Variants in CFAP161 observed in about 807,000 individuals in gnomAD.
The protein encoded by CFAP161 is cilia and flagella associated protein 161, also known as cilia- and flagella-associated protein 161.
In CFAP161, 25 loss-of-function variants were observed where a neutral mutation model predicts 29.0. The observed-to-expected ratio is 0.86, with a 90% confidence interval of 0.63 to 1.20. The LOEUF is 1.20. Ranked by LOEUF, CFAP161 falls within the 50% of genes most tolerant of loss-of-function variation. CFAP161 has a pLI of 0.00. For synonymous variants in CFAP161, 116 were observed against 137.4 expected (o/e 0.84, Z 1.09); for missense variants, 367 against 371.9 (o/e 0.99, Z 0.11).
intron 1 of CFAP161, among the ~76,000 whole-genome samples, chr15:81,106,818 G>T (rs1040214992): frequency 7.2e-5 from 11 of 152,096 alleles, no homozygotes; most frequent in African/African-American, 2.7e-4. Flanking sequence ...GTAATCCCAG[G>T]ACTTTGGGAG....
chr15:81,141,533 G>A (rs1176556353), intron 4 of CFAP161, among the ~76,000 whole-genome samples: 4 of 152,084 alleles, frequency 2.6e-5, no homozygotes, highest in South Asian at 2.1e-4. Flanking sequence ...CTTATACCTC[G>A]AATTTTGGTT....
intron 5 of CFAP161, among the ~76,000 whole-genome samples, chr15:81,145,655 A>G (rs1399344997): frequency 2.0e-5 from 3 of 152,206 alleles, no homozygotes; most frequent in Non-Finnish European, 4.4e-5. Context: ...ATGGTTACAC[A>G]TCTGTAAATG....
At chr15:81,146,595 T>C (rs551865407) in intron 5 of CFAP161, among the ~76,000 whole-genome samples, 4 of 151,950 alleles carry the variant, frequency 2.6e-5, no homozygotes, top group African/African-American at 9.6e-5. Context: ...TTTTTCTGTG[T>C]CTGTGTGTGT....
chr15:81,143,088 G>A (rs921261159), intron 4 of CFAP161, among the ~76,000 whole-genome samples: 6 of 152,200 alleles, frequency 3.9e-5, no homozygotes, highest in Non-Finnish European at 5.9e-5. Context: ...TGAGGTGGGA[G>A]GATTGCTTGA....
rs963937883 is a variant in CFAP161 at position 81,147,867 on chromosome 15, A to G, written c.646A>G (p.Lys216Glu). ...TTCTTTATCTGTTAAGGCAAATGCT[A>G]AAATTCTCATCAATCACTGTCACAC... ...YEGFPVPANAKILINHCHTNR... is the reference protein window; with the variant it reads ...YEGFPVPANAEILINHCHTNR... Residue 216 changes from lysine to glutamate, a missense_variant, in exon 6 of 7, where the codon AAA becomes GAA. By Grantham distance (56) the Lys-to-Glu change is moderately conservative (BLOSUM62 1). Coordinates refer to ENST00000286732, the MANE Select transcript of CFAP161 (RefSeq NM_173528.4). The G allele has an allele frequency of 8.1e-6, 13 of 1,606,408 alleles. No individual in the cohort carries two copies. The highest frequency in any genetic ancestry group is 9.3e-6 in the Non-Finnish European group (11 of 1,177,194).
intron 1 of CFAP161, among the ~76,000 whole-genome samples, chr15:81,101,856 C>T (rs1894308010): frequency 6.6e-6 from 1 of 151,966 alleles, no homozygotes; most frequent in Non-Finnish European, 1.5e-5. Flanking sequence ...CAATGACATC[C>T]CCCCAAACTC....
chr15:81,146,142 T>TC (rs1895002114), intron 5 of CFAP161, among the ~76,000 whole-genome samples: 3 of 152,186 alleles, frequency 2.0e-5, no homozygotes, highest in African/African-American at 7.2e-5. Flanking sequence ...GATCACAGAG[T>TC]AGCCTTGTCT....
At chr15:81,105,200 C>T (rs1894355394) in intron 1 of CFAP161, among the ~76,000 whole-genome samples, 1 of 72,132 alleles carries the variant, frequency 1.4e-5, no homozygotes, top group South Asian at 4.9e-4. Context: ...TCCCTCACTC[C>T]CCCTCCTCCT....
intron 1 of CFAP161, among the ~76,000 whole-genome samples, chr15:81,124,225 A>T (rs1383208301): frequency 2.0e-5 from 3 of 150,620 alleles, no homozygotes; most frequent in African/African-American, 7.3e-5. Context: ...AATACCAGGG[A>T]TATTGAATTT....
At chr15:81,131,113 G>T (rs78209652), upstream of CFAP161, among the ~76,000 whole-genome samples, 341 of 147,390 alleles carry the variant, frequency 2.3e-3, no homozygotes, top group Non-Finnish European at 4.1e-3. Flanking sequence ...CCTGATGCAG[G>T]CTTGCCAAAA....
Position 81,138,039 on chromosome 15 carries a change from G to T in CFAP161, c.393-12G>T, listed in dbSNP as rs115972187. ...AGTTTACATTTACATTATACTTATT[G>T]TCCACTGACAGTGTACACAGAGATG... On this transcript the variant is annotated splice_polypyrimidine_tract_variant and intron_variant, in intron 3 of 6. Coordinates refer to ENST00000286732, the MANE Select transcript of CFAP161 (RefSeq NM_173528.4). 207 of 1,576,096 alleles carry T rather than the reference G, an allele frequency of 1.3e-4. No individual in the cohort carries two copies. The African/African-American group carries it at 2.5e-3, about 19-fold the overall frequency.
intron 5 of CFAP161, among the ~76,000 whole-genome samples, chr15:81,147,276 T>A (rs1197335542): frequency 2.0e-5 from 3 of 152,132 alleles, no homozygotes; most frequent in Middle Eastern, 3.2e-3. Context: ...TGTTCTTTCT[T>A]TCTTCCTCTC....
At chr15:81,111,157 C>A (rs1338959415) in intron 1 of CFAP161, among the ~76,000 whole-genome samples, 1 of 152,154 alleles carries the variant, frequency 6.6e-6, no homozygotes, top group Non-Finnish European at 1.5e-5. Context: ...CCTGTACTGA[C>A]CCTTCGGCAA....
chr15:81,116,072 T>A (rs1353606752), intron 1 of CFAP161, among the ~76,000 whole-genome samples: 1 of 152,172 alleles, frequency 6.6e-6, no homozygotes, highest in Non-Finnish European at 1.5e-5. Context: ...CAGAGAAGAA[T>A]GTGTTTAGGT....
At chr15:81,125,519 A>C (rs1894629749) in intron 1 of CFAP161, among the ~76,000 whole-genome samples, 1 of 152,206 alleles carries the variant, frequency 6.6e-6, no homozygotes, top group African/African-American at 2.4e-5. Context: ...CAGTAAACTT[A>C]AGCAAAAATG....
intron 4 of CFAP161, among the ~76,000 whole-genome samples, chr15:81,139,065 A>G (rs1385045556): frequency 6.6e-6 from 1 of 152,068 alleles, no homozygotes; most frequent in South Asian, 2.1e-4. Context: ...ACTTTGGGAG[A>G]CCAAGGCAAG....
intron 3 of CFAP161, 26 bp downstream of exon 3, chr15:81,136,774 A>C (rs1194681865): frequency 6.4e-7 from 1 of 1,563,204 alleles, no homozygotes; most frequent in Non-Finnish European, 8.8e-7. Context: ...TTTTCAGTTC[A>C]TTTTCATCAT....
At chr15:81,109,707 A>G (rs1894417447) in intron 1 of CFAP161, among the ~76,000 whole-genome samples, 1 of 152,182 alleles carries the variant, frequency 6.6e-6, no homozygotes, top group African/African-American at 2.4e-5. Context: ...TTATCTCAAA[A>G]AAGAATTGCG....
At chr15:81,131,365 A>G (rs1478430913), upstream of CFAP161, among the ~76,000 whole-genome samples, 2 of 152,164 alleles carry the variant, frequency 1.3e-5, no homozygotes, top group Non-Finnish European at 2.9e-5. Context: ...CTTAGCAGAC[A>G]AAGACTTCAA....
Sources: gnomAD v4.1 joint callset for allele counts (sites outside exome capture counted in the v4.1 genomes callset) on GRCh38, gnomAD v4.1.1 for gene constraint, MANE v1.5 for transcripts, NCBI Gene and HGNC (gene_info 2026-07-23, HGNC 2026-07-21) for gene names.